Variants in ST18 observed in about 807,000 individuals in gnomAD.
The protein encoded by ST18 is ST18 C2H2C-type zinc finger transcription factor.
ST18 carries 50 observed loss-of-function variants against 110.0 expected under a neutral mutation model. The ratio of observed to expected loss-of-function variants is 0.45; its 90% CI spans 0.36 to 0.58. The LOEUF is 0.58. ST18 is among the 20% of genes least tolerant of loss of function. ST18 has a pLI of 0.00. For synonymous variants in ST18, 461 were observed against 452.4 expected (o/e 1.02, Z -0.24); for missense variants, 1,306 against 1,280.1 (o/e 1.02, Z -0.31).
chr8:52,391,359 G>C (rs567108765), intron 2 of ST18, among the ~76,000 whole-genome samples: 9 of 152,208 alleles, frequency 5.9e-5, no homozygotes, highest in Non-Finnish European at 1.2e-4. Context: ...GCCAGCGAGG[G>C]TGCAGACATT....
intron 2 of ST18, among the ~76,000 whole-genome samples, chr8:52,272,445 T>C (rs1456166258): frequency 1.3e-5 from 2 of 152,126 alleles, no homozygotes; most frequent in African/African-American, 4.8e-5. Flanking sequence ...GGTATATAGG[T>C]ATAGACATAG....
chr8:52,362,809 C>T (rs1014428685), intron 2 of ST18, among the ~76,000 whole-genome samples: 3 of 152,150 alleles, frequency 2.0e-5, no homozygotes, highest in Non-Finnish European at 4.4e-5. Context: ...GTCCTTCTTA[C>T]ACTTAATGCC....
chr8:52,139,339 T>C (rs1235862869), intron 17 of ST18, among the ~76,000 whole-genome samples: 1 of 151,482 alleles, frequency 6.6e-6, no homozygotes, highest in Non-Finnish European at 1.5e-5. Context: ...TATATATATA[T>C]ATATACACAC....
At chr8:52,376,363 G>C (rs1832380267) in intron 2 of ST18, among the ~76,000 whole-genome samples, 1 of 152,090 alleles carries the variant, frequency 6.6e-6, no homozygotes, top group Non-Finnish European at 1.5e-5. Flanking sequence ...CCTCTGTGCT[G>C]GCTCTTTCCT....
intron 2 of ST18, among the ~76,000 whole-genome samples, chr8:52,385,263 AT>A (rs1162331898): frequency 6.6e-6 from 1 of 152,162 alleles, no homozygotes; most frequent in Non-Finnish European, 1.5e-5. Context: ...AATCCACCCT[AT>A]GGTATCCTAT....
chr8:52,355,374 A>G (rs1284271963), intron 2 of ST18, among the ~76,000 whole-genome samples: 2 of 152,172 alleles, frequency 1.3e-5, no homozygotes, highest in Non-Finnish European at 2.9e-5. Context: ...TCCCAACTGT[A>G]TGCCCCCAAC....
chr8:52,365,676 G>T (rs1232091341), intron 2 of ST18, among the ~76,000 whole-genome samples: 1 of 151,280 alleles, frequency 6.6e-6, no homozygotes, highest in Non-Finnish European at 1.5e-5. Context: ...TTAATCAAGT[G>T]CCAGGCACAA....
chr8:52,137,256 A>T (rs965133036), intron 18 of ST18, among the ~76,000 whole-genome samples, 165 bp downstream of exon 18: 11 of 152,204 alleles, frequency 7.2e-5, no homozygotes, highest in African/African-American at 2.7e-4. Context: ...ACCAAGAATC[A>T]TGATTTTTAT....
chr8:52,193,101 G>A (rs1210863090), intron 8 of ST18, among the ~76,000 whole-genome samples: 1 of 152,174 alleles, frequency 6.6e-6, no homozygotes, highest in Non-Finnish European at 1.5e-5. Flanking sequence ...TGGTGACCAA[G>A]GGCTCAAAGG....
At chr8:52,402,120 T>C (rs1474037005) in intron 2 of ST18, among the ~76,000 whole-genome samples, 1 of 152,102 alleles carries the variant, frequency 6.6e-6, no homozygotes, top group Admixed American at 6.5e-5. Context: ...GCAGTGGTGG[T>C]GGCATGGTAG....
intron 2 of ST18, among the ~76,000 whole-genome samples, chr8:52,247,278 AT>A (rs2093940177): frequency 6.6e-6 from 1 of 152,282 alleles, no homozygotes; most frequent in South Asian, 2.1e-4. Context: ...AGCCATGCAT[AT>A]TTTCTTTAAA....
At chr8:52,181,009 G>A (rs2069272456) in intron 8 of ST18, among the ~76,000 whole-genome samples, 1 of 152,164 alleles carries the variant, frequency 6.6e-6, no homozygotes, top group Admixed American at 6.5e-5. Flanking sequence ...TTCTCATATG[G>A]TTTTATTTGG....
chr8:52,158,372 C>T (rs2060531070), intron 15 of ST18, among the ~76,000 whole-genome samples: 1 of 152,142 alleles, frequency 6.6e-6, no homozygotes, highest in Non-Finnish European at 1.5e-5. Flanking sequence ...CATGTTCTAC[C>T]ATGTGTCTCT....
chr8:52,306,054 G>T (rs987482195), intron 2 of ST18, among the ~76,000 whole-genome samples: 2 of 152,098 alleles, frequency 1.3e-5, no homozygotes, highest in Non-Finnish European at 2.9e-5. Context: ...TCCCCACTCG[G>T]CCACATTGGC....
intron 2 of ST18, among the ~76,000 whole-genome samples, chr8:52,396,387 C>A (rs977381473): frequency 3.3e-5 from 5 of 152,116 alleles, no homozygotes; most frequent in African/African-American, 1.2e-4. Flanking sequence ...CTGTGTCTGG[C>A]TTACTTCACT....
intron 22 of ST18, among the ~76,000 whole-genome samples, chr8:52,130,574 T>A (rs529864202): frequency 6.6e-6 from 1 of 152,348 alleles, no homozygotes; most frequent in Non-Finnish European, 1.5e-5. Flanking sequence ...TATGCAGAGA[T>A]CCTCCGGGCA....
At chr8:52,191,657 A>C (rs62501005) in intron 8 of ST18, among the ~76,000 whole-genome samples, 5,451 of 152,334 alleles carry the variant, frequency 0.036, 140 homozygotes, top group Non-Finnish European at 0.054. Context: ...GAAGTTGGTC[A>C]GCAGGTCACA....
At chr8:52,214,508 A>G (rs1205068596) in intron 6 of ST18, among the ~76,000 whole-genome samples, 1 of 152,172 alleles carries the variant, frequency 6.6e-6, no homozygotes, top group East Asian at 1.9e-4. Context: ...CAAGTGTTTG[A>G]AGTGACTCAA....
chr8:52,236,455 CA>C (rs2092688925), intron 2 of ST18, among the ~76,000 whole-genome samples: 2 of 152,028 alleles, frequency 1.3e-5, no homozygotes, highest in South Asian at 4.2e-4. Context: ...ACTAAAAATA[CA>C]AAAATTAGCT....
Sources: gnomAD v4.1 joint callset for allele counts (sites outside exome capture counted in the v4.1 genomes callset) on GRCh38, gnomAD v4.1.1 for gene constraint, MANE v1.5 for transcripts, NCBI Gene and HGNC (gene_info 2026-07-23, HGNC 2026-07-21) for gene names.